SMARCAD1: variants seen among roughly 807,000 people sequenced by gnomAD.
The protein encoded by SMARCAD1 is SNF2 related chromatin remodeling ATPase with DExD box 1, also known as SWI/SNF-related matrix-associated actin-dependent regulator of chromatin subfamily A containing DEAD/H box 1.
A neutral mutation model predicts 127.1 loss-of-function variants in SMARCAD1; 25 were observed. That is an observed-to-expected ratio of 0.20 (90% confidence interval 0.14 to 0.27). The LOEUF is 0.27. Ranked by LOEUF, SMARCAD1 falls within the 10% of genes least tolerant of loss-of-function variation. The pLI, the probability that SMARCAD1 is intolerant of heterozygous loss-of-function variation, is 1.00. For missense variants in SMARCAD1, 807 were observed against 1,206.0 expected, an observed-to-expected ratio of 0.67 and a Z score of 4.90; for synonymous variants, 400 against 396.9, an observed-to-expected ratio of 1.01 and a Z score of -0.09.
In SMARCAD1 at chr4:94,291,167, TTTC is replaced by T. The variant is rs1186963137; in HGVS notation, c.*1636_*1638del. On this transcript the variant is annotated 3_prime_UTR_variant, in exon 24 of 24. Transcript: ENST00000354268. Reference sequence around the variant, plus strand: ...TTAATGTATTTTCAATGATAGGCTGTTTCTTTTTTTGTTGTTATTGTTGTTGTT... The same window carrying T: ...TTAATGTATTTTCAATGATAGGCTGTTTTTTTTGTTGTTATTGTTGTTGTT... 1 of 453,732 alleles carries T rather than the reference TTTC, an allele frequency of 2.2e-6. No individual in the cohort carries two copies. Among genetic ancestry groups the T allele is most frequent in the Non-Finnish European group, 4.4e-6 (1 of 226,708 alleles). 28.1% of individuals were successfully genotyped at this position (453,732 alleles called of 1,614,324 possible). A position where few individuals can be genotyped will look rare whatever the true frequency, so the allele number is the denominator to read the frequency against.
chr4:94,252,669 A>G lies in SMARCAD1; in HGVS notation c.943A>G (p.Arg315Gly), dbSNP rs559885724. 6.8e-5 allele frequency: 108 copies of G among 1,578,904 alleles called. No homozygotes were observed. Among genetic ancestry groups the G allele is most frequent in the South Asian group, 2.6e-4 (22 of 84,410 alleles). ...TCCAAATGGAAAAGAAGTTTCTTCA[A>G]GAAGTCAAAATTACCCTAAAAATGC... ...EVPNGKEVSS[R>G]SQNYPKNATK... is the part of the protein sequence containing the mutation. Residue 315 changes from arginine (R) to glycine (G), a missense_variant, in exon 9 of 24, where the codon AGA becomes GGA. Physicochemically the swap from Arg to Gly is moderately radical, Grantham distance 125 (BLOSUM62 -2). Transcript: ENST00000354268.
chr4:94,245,352 A>G (rs1266707487), intron 6 of SMARCAD1, among the ~76,000 whole-genome samples: 1 of 152,220 alleles, frequency 6.6e-6, no homozygotes, highest in Non-Finnish European at 1.5e-5. Flanking sequence ...ACAAATGATC[A>G]GATGTTTTAA....
At chr4:94,238,647 C>T (rs1579127485) in intron 5 of SMARCAD1, among the ~76,000 whole-genome samples, 1 of 151,890 alleles carries the variant, frequency 6.6e-6, no homozygotes, top group South Asian at 2.1e-4. Context: ...GAAAAAACCT[C>T]CTGAAAAATG....
At chr4:94,282,932 A>G (rs562364307) in intron 21 of SMARCAD1, among the ~76,000 whole-genome samples, 189 bp from the exon 22 acceptor site, 27 of 152,292 alleles carry the variant, frequency 1.8e-4, no homozygotes, top group Non-Finnish European at 3.2e-4. Context: ...AGGGGTAGCA[A>G]TATCGTAGAA....
intron 15 of SMARCAD1, among the ~76,000 whole-genome samples, 190 bp downstream of exon 15, chr4:94,276,664 C>T (rs72886746): frequency 6.6e-6 from 1 of 152,218 alleles, no homozygotes; most frequent in African/African-American, 2.4e-5. Flanking sequence ...TGGCCTCTGT[C>T]ACGTATTCTT....
intron 6 of SMARCAD1, among the ~76,000 whole-genome samples, chr4:94,246,487 T>G (rs1376452753): frequency 6.6e-6 from 1 of 152,126 alleles, no homozygotes; most frequent in Non-Finnish European, 1.5e-5. Context: ...GAAGTATATC[T>G]TGCCTCCAGT....
chr4:94,211,800 A>G (rs538378457), intron 2 of SMARCAD1, among the ~76,000 whole-genome samples: 9 of 152,242 alleles, frequency 5.9e-5, no homozygotes, highest in Non-Finnish European at 1.3e-4. Flanking sequence ...TATGACTCAG[A>G]TGCTTTGTTT....
At chr4:94,253,531 GTC>G (rs1352035853) in intron 9 of SMARCAD1, 1 of 1,118,946 alleles carries the variant, frequency 8.9e-7, no homozygotes, top group Non-Finnish European at 1.1e-6. Flanking sequence ...TAACAGCTCA[GTC>G]TCTAACATGT....
intron 3 of SMARCAD1, among the ~76,000 whole-genome samples, chr4:94,231,940 C>T (rs994775994): frequency 1.4e-4 from 22 of 152,128 alleles, no homozygotes; most frequent in African/African-American, 4.8e-4. Flanking sequence ...CAGCTCACTG[C>T]AACCTCTGCT....
At chr4:94,275,589 G>A (rs114937311) in intron 14 of SMARCAD1, among the ~76,000 whole-genome samples, 1 of 152,062 alleles carries the variant, frequency 6.6e-6, no homozygotes, top group Non-Finnish European at 1.5e-5. Flanking sequence ...GCAGTCTCAA[G>A]CTGCTAGCTA....
intron 9 of SMARCAD1, among the ~76,000 whole-genome samples, chr4:94,256,215 A>G (rs933132241): frequency 6.6e-6 from 1 of 152,202 alleles, no homozygotes; most frequent in Middle Eastern, 3.4e-3. Context: ...ACTTTCATAT[A>G]TGCATCTACT....
intron 2 of SMARCAD1, among the ~76,000 whole-genome samples, chr4:94,217,991 A>G (rs1227677611): frequency 6.6e-6 from 1 of 152,184 alleles, no homozygotes; most frequent in African/African-American, 2.4e-5. Context: ...GGTTTCAGTC[A>G]AAAATGTTTG....
intron 11 of SMARCAD1, among the ~76,000 whole-genome samples, 188 bp from the exon 12 acceptor site, chr4:94,273,429 C>T (rs774091522): frequency 2.0e-5 from 3 of 152,152 alleles, no homozygotes; most frequent in Non-Finnish European, 4.4e-5. Flanking sequence ...TAAGTTATAG[C>T]ATCATTTGGA....
intron 3 of SMARCAD1, among the ~76,000 whole-genome samples, chr4:94,226,984 G>A (rs753463302): frequency 6.6e-6 from 1 of 151,868 alleles, no homozygotes; most frequent in African/African-American, 2.4e-5. Flanking sequence ...GATTACAGGC[G>A]TTAGACACCA....
At position 94,270,772 on chromosome 4, in the gene SMARCAD1, C is replaced by T; in HGVS notation, c.1526C>T (p.Ala509Val). 1 of 1,613,540 alleles carries T rather than the reference C, an allele frequency of 6.2e-7. No individual in the cohort carries two copies. The highest frequency in any genetic ancestry group is 8.5e-7 in the Non-Finnish European group (1 of 1,179,666). The change falls in exon 11 of 24, where the codon GCA (alanine) becomes GTA (valine). Residue 509 changes from alanine to valine, a missense_variant. Transcript: ENST00000354268. ...CAGAAGGTTGGTTTGAATTGGCTGGCATTGGTACATAAACATGGACTTAAT... is the reference window on the plus strand; with the variant it reads ...CAGAAGGTTGGTTTGAATTGGCTGGTATTGGTACATAAACATGGACTTAAT... ...PYQKVGLNWL[A>V]LVHKHGLNGI...
intron 23 of SMARCAD1, 92 bp downstream of exon 23, chr4:94,285,161 T>C: frequency 1.2e-6 from 1 of 823,910 alleles, no homozygotes; most frequent in South Asian, 1.4e-5. Context: ...ATGGCTACCT[T>C]AACTAGCTTA....
intron 2 of SMARCAD1, among the ~76,000 whole-genome samples, chr4:94,220,773 A>C (rs952135846): frequency 6.6e-6 from 1 of 152,252 alleles, no homozygotes; most frequent in Admixed American, 6.5e-5. Flanking sequence ...CTAGTAGTCA[A>C]TGTATTCTTA....
chr4:94,252,541 T>C, intron 8 of SMARCAD1, 75 bp from the exon 9 acceptor site: 1 of 1,071,664 alleles, frequency 9.3e-7, no homozygotes, highest in Non-Finnish European at 1.3e-6. Flanking sequence ...GTAAATGTTT[T>C]AAGTTTTTAT....
At chr4:94,209,814 T>C (rs1741906487) in intron 2 of SMARCAD1, among the ~76,000 whole-genome samples, 2 of 152,232 alleles carry the variant, frequency 1.3e-5, no homozygotes, top group African/African-American at 2.4e-5. Flanking sequence ...GTTCACTCTT[T>C]GAATAGATAT....
Sources: gnomAD v4.1 joint callset for allele counts (sites outside exome capture counted in the v4.1 genomes callset) on GRCh38, gnomAD v4.1.1 for gene constraint, MANE v1.5 for transcripts, NCBI Gene and HGNC (gene_info 2026-07-23, HGNC 2026-07-21) for gene names.